Variants in CASP2 observed in about 807,000 individuals in gnomAD.
CASP2 encodes caspase 2.
CASP2 carries 38 observed loss-of-function variants against 54.4 expected under a neutral mutation model. The ratio of observed to expected loss-of-function variants is 0.70; its 90% confidence interval spans 0.54 to 0.92. CASP2 has a LOEUF of 0.92. CASP2 is among the 40% of genes least tolerant of loss of function. The pLI, the probability that CASP2 is intolerant of heterozygous loss-of-function variation, is 0.00. For synonymous variants in CASP2, 215 were observed against 216.3 expected, an observed-to-expected ratio of 0.99 and a Z score of 0.05; for missense variants, 512 against 579.6, an observed-to-expected ratio of 0.88 and a Z score of 1.20.
Position 143,292,653 on chromosome 7 carries a change from G to T in CASP2, c.430G>T (p.Val144Leu). The T allele has an allele frequency of 6.2e-7, 1 of 1,613,426 alleles. No individual in the cohort carries two copies. The change falls in exon 4 of 11, where the codon GTG (valine) becomes TTG (leucine). Residue 144 changes from valine (V) to leucine (L), a missense_variant. By Grantham distance (32) the Val-to-Leu change is conservative. Coordinates refer to ENST00000310447, the MANE Select transcript of CASP2 (RefSeq NM_032982.4). Reference sequence around the variant, plus strand: ...CTACGACTTGAGTCTCCCTTTTCCGGTGTGTGAGTCCTGTCCCCTTTACAA... The same window carrying T: ...CTACGACTTGAGTCTCCCTTTTCCGTTGTGTGAGTCCTGTCCCCTTTACAA... ...CDYDLSLPFP[V>L]CESCPLYKKL...
intron 1 of CASP2, chr7:143,289,499 A>T (rs1490758989): frequency 4.1e-6 from 1 of 245,752 alleles, no homozygotes; most frequent in Non-Finnish European, 6.5e-6. Flanking sequence ...ATGGAATATC[A>T]ATATTAAGGG....
chr7:143,294,813 C>G (rs1173482569), intron 6 of CASP2, 40 bp downstream of exon 6: 3 of 1,534,294 alleles, frequency 2.0e-6, no homozygotes, highest in East Asian at 4.5e-5. Context: ...AATTAGAGGA[C>G]TGAACAACAC....
intron 6 of CASP2, among the ~76,000 whole-genome samples, chr7:143,299,126 AT>A (rs1054483989): frequency 6.1e-5 from 9 of 148,554 alleles, no homozygotes; most frequent in Non-Finnish European, 6.0e-5. Context: ...TGCCTGGCTA[AT>A]TTTTTTTTTT....
intron 8 of CASP2, chr7:143,301,521 G>C (rs1274584164): frequency 6.6e-6 from 1 of 152,064 alleles, no homozygotes; most frequent in East Asian, 1.9e-4. Flanking sequence ...AAATTAGCAA[G>C]GTACAAACTG....
chr7:143,294,525 G>T (rs1026554561), intron 5 of CASP2, 72 bp from the exon 6 acceptor site: 2 of 1,423,754 alleles, frequency 1.4e-6, no homozygotes, highest in Non-Finnish European at 2.0e-6. Flanking sequence ...TTGTTTTCTT[G>T]AAATGTCTAA....
intron 1 of CASP2, chr7:143,290,952 A>C (rs1801538776): frequency 6.3e-6 from 1 of 158,870 alleles, no homozygotes; most frequent in Admixed American, 6.1e-5. Flanking sequence ...ACTTTCTGTC[A>C]TACTTTCTGC....
At chr7:143,300,879 A>C in intron 8 of CASP2, 1 of 1,097,736 alleles carries the variant, frequency 9.1e-7, no homozygotes, top group Non-Finnish European at 1.1e-6. Context: ...AGTCTGTTTT[A>C]CTCCTTTAAG....
At chr7:143,294,157 G>A (rs1801673341) in intron 4 of CASP2, 73 bp from the exon 5 acceptor site, 1 of 866,582 alleles carries the variant, frequency 1.2e-6, no homozygotes, top group East Asian at 2.4e-5. Flanking sequence ...AGAGATGTCT[G>A]AAGTTACAAT....
intron 8 of CASP2, chr7:143,300,791 G>A: frequency 8.5e-7 from 1 of 1,179,154 alleles, no homozygotes; most frequent in Non-Finnish European, 1.1e-6. Flanking sequence ...GGGTCATGCA[G>A]GATAGCAGAA....
At chr7:143,288,926 C>T (rs1801471111) in intron 1 of CASP2, among the ~76,000 whole-genome samples, 1 of 152,258 alleles carries the variant, frequency 6.6e-6, no homozygotes, top group South Asian at 2.1e-4. Flanking sequence ...CTTCTGCAGA[C>T]CTCGGTGCTC....
At chr7:143,298,601 G>T (rs1801825147) in intron 6 of CASP2, 1 of 152,232 alleles carries the variant, frequency 6.6e-6, no homozygotes. Context: ...GTTCTAGGCT[G>T]TAGTGTGCTA....
intron 6 of CASP2, among the ~76,000 whole-genome samples, chr7:143,295,510 G>T (rs763317578): frequency 8.5e-5 from 13 of 152,188 alleles, no homozygotes; most frequent in Non-Finnish European, 1.8e-4. Flanking sequence ...TGGCCTATTT[G>T]TAGATTCATA....
intron 8 of CASP2, chr7:143,300,900 G>A: frequency 9.6e-7 from 1 of 1,047,070 alleles, no homozygotes; most frequent in South Asian, 3.2e-5. Flanking sequence ...AGCCAGGACT[G>A]CAGGACGAGG....
Position 143,291,640 on chromosome 7 carries a change from C to T in CASP2, c.175C>T (p.His59Tyr). ...GCTGTTGTTGAGCGAATTGTTAGAA[C>T]ATCTTCTGGAGAAGGACATCATCAC... Reference protein sequence around the residue: ...KQLLLSELLEHLLEKDIITLE... With the variant: ...KQLLLSELLEYLLEKDIITLE... The change falls in exon 2 of 11, where the codon CAT (histidine) becomes TAT (tyrosine). Residue 59 changes from histidine (H) to tyrosine (Y), a missense_variant. Physicochemically the swap from His to Tyr is moderately conservative, Grantham distance 83. Around this residue, in one of 3 missense-constraint regions of CASP2, gnomAD observed 6 missense variants for 17.1 expected, o/e 0.35. Coordinates refer to ENST00000310447, the MANE Select transcript of CASP2 (RefSeq NM_032982.4). 2 of 1,614,082 alleles carry T rather than the reference C, an allele frequency of 1.2e-6. No individual in the cohort carries two copies. The highest frequency in any genetic ancestry group is 1.3e-5 in the African/African-American group (1 of 74,996).
At position 143,292,659 on chromosome 7, in the gene CASP2, G is replaced by A; in HGVS notation, c.436G>A (p.Glu146Lys). The A allele has an allele frequency of 1.2e-6, 2 of 1,613,324 alleles. No homozygotes were observed. Among genetic ancestry groups the A allele is most frequent in the Middle Eastern group, 1.9e-4 (1 of 5,372 alleles). The change falls in exon 4 of 11, where the codon GAG becomes AAG. Residue 146 changes from glutamate (E) to lysine (K), a missense_variant. Glu to Lys is a moderately conservative substitution (Grantham distance 56). Coordinates refer to ENST00000310447, the MANE Select transcript of CASP2 (RefSeq NM_032982.4). ...YDLSLPFPVC[E>K]SCPLYKKLRL... ...CTTGAGTCTCCCTTTTCCGGTGTGT[G>A]AGTCCTGTCCCCTTTACAAGAAGCT... is the stretch of plus-strand genomic sequence containing the variant.
intron 5 of CASP2, 21 bp downstream of exon 5, chr7:143,294,345 A>G: frequency 6.6e-7 from 1 of 1,518,802 alleles, no homozygotes; most frequent in South Asian, 1.1e-5. Context: ...GCATAATGAC[A>G]AGAGGAAGAG....
rs1485633858 is a variant in CASP2, at chr7:143,299,912, C to A, written c.748-11C>A. The A allele has an allele frequency of 1.8e-5, 29 of 1,614,024 alleles. No homozygotes were observed. Among genetic ancestry groups the A allele is most frequent in the Non-Finnish European group, 2.5e-5 (29 of 1,180,030 alleles). ...CCTTAGTGCACAACACTAAACATTC[C>A]TTTCTTTTAGGAAATGCAAGAGAAA... On this transcript the variant is annotated splice_polypyrimidine_tract_variant and intron_variant, in intron 6 of 10. Transcript: ENST00000310447.
intron 6 of CASP2, among the ~76,000 whole-genome samples, chr7:143,297,630 A>G (rs1405775091): frequency 6.6e-6 from 1 of 152,068 alleles, no homozygotes; most frequent in African/African-American, 2.4e-5. Context: ...TATTTTTAGT[A>G]GAGACAGGGT....
intron 1 of CASP2, 52 bp downstream of exon 1, chr7:143,288,581 C>A: frequency 1.3e-6 from 2 of 1,516,790 alleles, no homozygotes; most frequent in Non-Finnish European, 1.8e-6. Context: ...GGAAGGGGAG[C>A]GTGGCCCCCA....
Sources: gnomAD v4.1 joint callset for allele counts (sites outside exome capture counted in the v4.1 genomes callset) on GRCh38, gnomAD v4.1.1 for gene constraint, gnomAD v4.1.1 regional missense constraint, MANE v1.5 for transcripts, NCBI Gene and HGNC (gene_info 2026-07-23, HGNC 2026-07-21) for gene names.